Variants in TNPO1 observed in about 807,000 individuals in gnomAD.
The protein encoded by TNPO1 is transportin 1, also known as transportin-1.
Under a neutral mutation model 119.5 loss-of-function variants are expected in TNPO1, and 8 were observed. The observed-to-expected ratio is 0.07, with a 90% confidence interval of 0.04 to 0.12. The LOEUF is 0.12. Ranked by LOEUF, TNPO1 falls within the 10% of genes least tolerant of loss-of-function variation. The pLI is 1.00. For synonymous variants in TNPO1, 362 were observed against 363.0 expected (o/e 1.00, Z 0.03); for missense variants, 576 against 1,089.8 (o/e 0.53, Z 6.64).
chr5:72,856,524 C>A (rs1254812270), intron 4 of TNPO1, among the ~76,000 whole-genome samples: 2 of 148,218 alleles, frequency 1.3e-5, no homozygotes, highest in Admixed American at 1.3e-4. Flanking sequence ...TGAGCCATGG[C>A]GCCTGGCTTG....
At chr5:72,822,018 A>G (rs1300255855) in intron 1 of TNPO1, among the ~76,000 whole-genome samples, 1 of 152,202 alleles carries the variant, frequency 6.6e-6, no homozygotes. Flanking sequence ...AGATTTGACT[A>G]AGGTCTTAAT....
In TNPO1 at chr5:72,875,606, G is replaced by A. The variant is rs370044277; in HGVS notation, c.679-9G>A. ...CTAAAACTAGAAAAAATTATTTCTT[G>A]TGCAACAGAATCTCTTTGCATTAGC... is the stretch of plus-strand genomic sequence containing the variant. On this transcript the variant is annotated splice_polypyrimidine_tract_variant and intron_variant, in intron 7 of 24. Transcript: ENST00000337273. 1.7e-5 allele frequency: 27 copies of A among 1,608,986 alleles called. No individual in the cohort carries two copies. Among genetic ancestry groups the A allele is most frequent in the Non-Finnish European group, 2.3e-5 (27 of 1,176,192 alleles).
At chr5:72,889,472 C>T (rs1748894982) in intron 13 of TNPO1, among the ~76,000 whole-genome samples, 1 of 151,932 alleles carries the variant, frequency 6.6e-6, no homozygotes. Flanking sequence ...TCATTCAGTA[C>T]CTCGGTTTTT....
At chr5:72,859,510 ATAGAC>A (rs1746266350) in intron 4 of TNPO1, among the ~76,000 whole-genome samples, 1 of 152,242 alleles carries the variant, frequency 6.6e-6, no homozygotes, top group Non-Finnish European at 1.5e-5. Flanking sequence ...GATTATAAAA[ATAGAC>A]TAGCAGCTTT....
intron 4 of TNPO1, among the ~76,000 whole-genome samples, chr5:72,858,665 G>A (rs562807127): frequency 3.3e-5 from 5 of 152,082 alleles, no homozygotes; most frequent in South Asian, 2.1e-4. Context: ...GTGAAACCCC[G>A]TCTCTACTAA....
In TNPO1 at chr5:72,911,620, CTGAA is replaced by C. The variant is rs1378080271; in HGVS notation, c.*2950_*2953del. On this transcript the variant is annotated 3_prime_UTR_variant, in exon 25 of 25. Transcript: ENST00000337273. ...TAGTCTTAATAGTTTTGAATGTTGA[CTGAA>C]TGTCTATAAAATTGTGAGTTTGTCT... The C allele has an allele frequency of 6.6e-6, 1 of 152,648 alleles. No individual in the cohort carries two copies. The highest frequency in any genetic ancestry group is 2.1e-4 in the South Asian group (1 of 4,834). 9.5% of individuals were successfully genotyped at this position (152,648 alleles called of 1,614,324 possible).
At chr5:72,889,713 T>C in intron 13 of TNPO1, 73 bp from the exon 14 acceptor site, 1 of 1,477,800 alleles carries the variant, frequency 6.8e-7, no homozygotes, top group Non-Finnish European at 9.0e-7. Flanking sequence ...AAACAGAACA[T>C]AAACATTTTA....
intron 5 of TNPO1, among the ~76,000 whole-genome samples, chr5:72,864,738 A>G (rs1168994712): frequency 6.6e-6 from 1 of 152,026 alleles, no homozygotes; most frequent in Non-Finnish European, 1.5e-5. Context: ...CCTCCAGAGT[A>G]GCTGGGATTA....
At chr5:72,900,181 A>G (rs976081921) in intron 21 of TNPO1, 100 bp downstream of exon 21, 23 of 1,059,098 alleles carry the variant, frequency 2.2e-5, no homozygotes, top group African/African-American at 1.1e-4. Context: ...AAAAATCACA[A>G]TCCTTTATCA....
intron 9 of TNPO1, among the ~76,000 whole-genome samples, chr5:72,877,659 C>G (rs1396740438): frequency 1.3e-5 from 2 of 151,828 alleles, no homozygotes; most frequent in Admixed American, 1.3e-4. Flanking sequence ...ACCACAGACT[C>G]TATTGTGAAG....
intron 19 of TNPO1, among the ~76,000 whole-genome samples, chr5:72,896,774 C>T (rs776700560): frequency 6.6e-6 from 1 of 152,102 alleles, no homozygotes; most frequent in African/African-American, 2.4e-5. Flanking sequence ...GAGGCTGAGT[C>T]AGGAGAATCA....
chr5:72,821,602 CT>C lies in TNPO1; in HGVS notation c.15+4854del, dbSNP rs1171075516. 2.0e-5 allele frequency among the ~76,000 whole-genome samples: 3 copies of C among 152,208 alleles called. No homozygotes were observed. In the East Asian group the frequency reaches 5.8e-4, roughly 29 times the overall value. On this transcript the variant is annotated intron_variant, in intron 1 of 24. Coordinates refer to ENST00000337273, the MANE Select transcript of TNPO1 (RefSeq NM_002270.4). ...GAGAGAGCTAGCAAACCATGAAGGA[CT>C]TTTGTGCCATTTATTAGTGCTGGGA...
chr5:72,845,245 A>C (rs928958850), intron 1 of TNPO1, among the ~76,000 whole-genome samples: 2 of 152,146 alleles, frequency 1.3e-5, no homozygotes, highest in African/African-American at 4.8e-5. Flanking sequence ...AGAATACTCC[A>C]GGTAATATTT....
At position 72,910,102 on chromosome 5, in the gene TNPO1, T is replaced by C. The variant is rs1395685128; in HGVS notation, c.*1429T>C. 1 of 152,630 alleles carries C rather than the reference T, an allele frequency of 6.6e-6. No homozygotes were observed. Among genetic ancestry groups the C allele is most frequent in the East Asian group, 1.9e-4 (1 of 5,196 alleles). 9.5% of individuals were successfully genotyped at this position (152,630 alleles called of 1,614,324 possible). A position where few individuals can be genotyped will look rare whatever the true frequency, so the allele number is the denominator to read the frequency against. On this transcript the variant is annotated 3_prime_UTR_variant, in exon 25 of 25. Coordinates refer to ENST00000337273, the MANE Select transcript of TNPO1 (RefSeq NM_002270.4). ...TTCCCTTTTTTTGTTCAAAGCATGATCTTAAAGATATGTTTAAGTTAATGG... is the reference window on the plus strand; with the variant it reads ...TTCCCTTTTTTTGTTCAAAGCATGACCTTAAAGATATGTTTAAGTTAATGG...
chr5:72,887,260 T>G, intron 12 of TNPO1, 38 bp downstream of exon 12: 1 of 1,173,216 alleles, frequency 8.5e-7, no homozygotes, highest in Non-Finnish European at 1.2e-6. Flanking sequence ...TAAGTTGGCT[T>G]CTTACTACTA....
At chr5:72,905,243 C>A in intron 23 of TNPO1, 60 bp from the exon 24 acceptor site, 1 of 1,223,930 alleles carries the variant, frequency 8.2e-7, no homozygotes, top group Non-Finnish European at 1.2e-6. Context: ...ATTTCAGAAG[C>A]TATGCTGATC....
At chr5:72,893,351 AC>A (rs752929190) in intron 16 of TNPO1, 25 bp from the exon 17 acceptor site, 10 of 1,608,758 alleles carry the variant, frequency 6.2e-6, no homozygotes, top group African/African-American at 2.7e-5. Flanking sequence ...AACCAAACTT[AC>A]AAAAAACATT....
intron 11 of TNPO1, among the ~76,000 whole-genome samples, chr5:72,886,202 T>C (rs1210030994): frequency 6.6e-6 from 1 of 152,212 alleles, no homozygotes; most frequent in African/African-American, 2.4e-5. Flanking sequence ...TAAATTATTA[T>C]TATAATAAAA....
At chr5:72,876,822 C>A (rs760655710) in intron 8 of TNPO1, among the ~76,000 whole-genome samples, 1 of 151,972 alleles carries the variant, frequency 6.6e-6, no homozygotes, top group Admixed American at 6.6e-5. Flanking sequence ...TGGCCGGGTG[C>A]GGTGGCTCAC....
Sources: gnomAD v4.1 joint callset for allele counts (sites outside exome capture counted in the v4.1 genomes callset) on GRCh38, gnomAD v4.1.1 for gene constraint, MANE v1.5 for transcripts, NCBI Gene and HGNC (gene_info 2026-07-23, HGNC 2026-07-21) for gene names.